MCTP1: variants seen among roughly 807,000 people sequenced by gnomAD.
MCTP1 encodes the protein multiple C2 and transmembrane domain containing 1.
A neutral mutation model predicts 120.6 loss-of-function variants in MCTP1; 69 were observed. The ratio of observed to expected loss-of-function variants is 0.57; its 90% confidence interval spans 0.47 to 0.70. The LOEUF is 0.70. Ranked by LOEUF, MCTP1 falls within the 30% of genes least tolerant of loss-of-function variation. The pLI is 0.00. For missense variants in MCTP1, 1,203 were observed against 1,248.8 expected, an observed-to-expected ratio of 0.96 and a Z score of 0.55; for synonymous variants, 529 against 493.1, an observed-to-expected ratio of 1.07 and a Z score of -0.96.
At chr5:95,283,791 T>G in intron 1 of MCTP1, 65 bp downstream of exon 1, 1 of 1,237,436 alleles carries the variant, frequency 8.1e-7, no homozygotes, top group Non-Finnish European at 1.0e-6. Context: ...CCCCGGGTGG[T>G]GAACGCCTGA....
intron 1 of MCTP1, among the ~76,000 whole-genome samples, chr5:95,166,917 C>CTTTT (rs386404479): frequency 1.1e-4 from 15 of 137,870 alleles, no homozygotes; most frequent in African/African-American, 3.2e-4. Flanking sequence ...CCTTTCTATT[C>CTTTT]TTTTTTTTTT....
intron 2 of MCTP1, among the ~76,000 whole-genome samples, chr5:94,989,393 C>G (rs1030889336): frequency 6.6e-6 from 1 of 152,200 alleles, no homozygotes; most frequent in African/African-American, 2.4e-5. Context: ...TATTGTCTCA[C>G]AGTTTCTGTA....
intron 2 of MCTP1, among the ~76,000 whole-genome samples, chr5:94,956,714 C>A (rs1428275414): frequency 1.3e-5 from 2 of 150,372 alleles, no homozygotes; most frequent in African/African-American, 2.4e-5. Context: ...GACAAGATTA[C>A]AAAAAAAAAG....
intron 1 of MCTP1, among the ~76,000 whole-genome samples, chr5:95,172,187 G>C (rs1014807433): frequency 6.6e-6 from 1 of 152,184 alleles, no homozygotes; most frequent in Non-Finnish European, 1.5e-5. Flanking sequence ...CAGACCGTTT[G>C]CCTACGTATC....
At chr5:94,974,727 A>G (rs1827701287) in intron 2 of MCTP1, among the ~76,000 whole-genome samples, 1 of 152,092 alleles carries the variant, frequency 6.6e-6, no homozygotes, top group African/African-American at 2.4e-5. Context: ...TATATGCATG[A>G]AAAAAATGAT....
intron 2 of MCTP1, among the ~76,000 whole-genome samples, chr5:94,999,838 G>A (rs1833324192): frequency 6.6e-6 from 1 of 152,144 alleles, no homozygotes; most frequent in Admixed American, 6.5e-5. Flanking sequence ...TAAATTTGGG[G>A]AATCTTGAAG....
At chr5:94,821,304 T>G (rs1158480457) in intron 17 of MCTP1, among the ~76,000 whole-genome samples, 1 of 152,190 alleles carries the variant, frequency 6.6e-6, no homozygotes, top group Non-Finnish European at 1.5e-5. Flanking sequence ...TAGTTGGGCT[T>G]ACACTGAGCA....
intron 17 of MCTP1, among the ~76,000 whole-genome samples, chr5:94,864,783 T>G (rs1357657625): frequency 1.3e-5 from 2 of 151,962 alleles, no homozygotes; most frequent in East Asian, 3.9e-4. Context: ...GTCCTTTTAC[T>G]GATAGCTCAG....
chr5:95,018,201 A>G (rs2114194), intron 1 of MCTP1, among the ~76,000 whole-genome samples: 93,808 of 151,896 alleles, frequency 0.62, 31,250 homozygotes, highest in Non-Finnish European at 0.76. Flanking sequence ...GAATAATGAT[A>G]TTAAAACAAC....
chr5:95,070,604 G>C (rs545227499), intron 1 of MCTP1, among the ~76,000 whole-genome samples: 2 of 152,210 alleles, frequency 1.3e-5, no homozygotes, highest in Non-Finnish European at 2.9e-5. Context: ...CACTACTCCT[G>C]TCTGCTCTGC....
chr5:94,908,970 A>G (rs1308116358), intron 10 of MCTP1, among the ~76,000 whole-genome samples: 1 of 152,052 alleles, frequency 6.6e-6, no homozygotes, highest in Non-Finnish European at 1.5e-5. Context: ...TATGTATCTT[A>G]TATCAGATGA....
intron 18 of MCTP1, 82 bp from the exon 19 acceptor site, chr5:94,779,245 A>C (rs1412369920): frequency 5.3e-6 from 6 of 1,136,208 alleles, no homozygotes; most frequent in Non-Finnish European, 6.7e-6. Context: ...TTGGAAATGA[A>C]AACTTTATTA....
intron 17 of MCTP1, among the ~76,000 whole-genome samples, chr5:94,843,802 T>C (rs1365109107): frequency 6.6e-6 from 1 of 152,200 alleles, no homozygotes; most frequent in Non-Finnish European, 1.5e-5. Flanking sequence ...GAAGAGTTCA[T>C]GGGGTCTGGG....
At chr5:95,037,039 C>T (rs1279865714) in intron 1 of MCTP1, among the ~76,000 whole-genome samples, 3 of 152,160 alleles carry the variant, frequency 2.0e-5, no homozygotes, top group Admixed American at 6.5e-5. Context: ...GACAGTTTTG[C>T]ATGTGACATT....
At chr5:94,780,757 G>A in intron 18 of MCTP1, among the ~76,000 whole-genome samples, 1 of 152,110 alleles carries the variant, frequency 6.6e-6, no homozygotes, top group African/African-American at 2.4e-5. Context: ...AAGGCACATA[G>A]TGCTAGGTAA....
chr5:95,274,294 G>A (rs1759637150), intron 1 of MCTP1, among the ~76,000 whole-genome samples: 1 of 152,180 alleles, frequency 6.6e-6, no homozygotes, highest in East Asian at 1.9e-4. Context: ...AAACTAGGAA[G>A]TGGCCGCCAG....
At chr5:95,207,466 T>C (rs1751755759) in intron 1 of MCTP1, among the ~76,000 whole-genome samples, 1 of 152,194 alleles carries the variant, frequency 6.6e-6, no homozygotes, top group African/African-American at 2.4e-5. Context: ...CTGCATACTC[T>C]TCAAAATGCT....
chr5:94,952,719 A>G (rs563882374), intron 3 of MCTP1, among the ~76,000 whole-genome samples: 2 of 152,278 alleles, frequency 1.3e-5, no homozygotes, highest in Non-Finnish European at 2.9e-5. Flanking sequence ...ACATCAAACG[A>G]GAGGAAAGAC....
chr5:95,214,578 C>T (rs1413226939), intron 1 of MCTP1, among the ~76,000 whole-genome samples: 41 of 152,022 alleles, frequency 2.7e-4, no homozygotes, highest in Admixed American at 2.0e-3. Flanking sequence ...ATGTTTATTG[C>T]GGCACTATTC....
Sources: gnomAD v4.1 joint callset for allele counts (sites outside exome capture counted in the v4.1 genomes callset) on GRCh38, gnomAD v4.1.1 for gene constraint, MANE v1.5 for transcripts, NCBI Gene and HGNC (gene_info 2026-07-23, HGNC 2026-07-21) for gene names.